The following TMEM178B variants were observed in gnomAD, a reference collection of about 807,000 sequenced individuals.
TMEM178B encodes the protein transmembrane protein 178B.
A neutral mutation model predicts 31.0 loss-of-function variants in TMEM178B; 5 were observed. That is an observed-to-expected ratio of 0.16 (90% confidence interval 0.08 to 0.34). The LOEUF (loss-of-function observed/expected upper bound fraction) is 0.34, where lower values mean the gene tolerates loss of function less well. Among genes scored for constraint, TMEM178B ranks in the 10% least tolerant of loss-of-function variants. TMEM178B has a pLI of 1.00. For synonymous variants in TMEM178B, 164 were observed against 164.0 expected, an observed-to-expected ratio of 1.00 and a Z score of 0.00; for missense variants, 275 against 400.3, an observed-to-expected ratio of 0.69 and a Z score of 2.67.
At chr7:141,255,412 A>G (rs936239876) in intron 2 of TMEM178B, among the ~76,000 whole-genome samples, 3 of 152,268 alleles carry the variant, frequency 2.0e-5, no homozygotes, top group Non-Finnish European at 4.4e-5. Flanking sequence ...AACCAGAAAC[A>G]GTGGTTTCTA....
At chr7:141,284,674 G>A (rs1229969106) in intron 2 of TMEM178B, among the ~76,000 whole-genome samples, 2 of 152,134 alleles carry the variant, frequency 1.3e-5, no homozygotes, top group East Asian at 3.9e-4. Context: ...AAGTATCTTA[G>A]GATGGAACAA....
chr7:141,126,656 T>A (rs543787120), intron 1 of TMEM178B, among the ~76,000 whole-genome samples: 25 of 152,370 alleles, frequency 1.6e-4, no homozygotes, highest in South Asian at 1.2e-3. Context: ...GGGAATGACA[T>A]GCCTGGAAGA....
chr7:141,393,383 G>A (rs552384374), intron 2 of TMEM178B, among the ~76,000 whole-genome samples: 6 of 152,108 alleles, frequency 3.9e-5, no homozygotes, highest in Admixed American at 2.0e-4. Context: ...GCAAAATAAC[G>A]ACAGAATCCA....
chr7:141,273,687 C>T (rs1457556779), intron 2 of TMEM178B, among the ~76,000 whole-genome samples: 2 of 152,080 alleles, frequency 1.3e-5, no homozygotes, highest in African/African-American at 4.8e-5. Flanking sequence ...TATTTATTCT[C>T]TCATTGCCTC....
downstream of TMEM178B, among the ~76,000 whole-genome samples, chr7:141,481,751 C>T (rs186446707): frequency 1.7e-3 from 264 of 152,238 alleles, 1 homozygote; most frequent in African/African-American, 6.0e-3. Flanking sequence ...GGGAGAGCCC[C>T]ACCCCACCTT....
intron 1 of TMEM178B, among the ~76,000 whole-genome samples, chr7:141,134,017 T>C (rs1795635186): frequency 6.6e-6 from 1 of 152,058 alleles, no homozygotes; most frequent in Non-Finnish European, 1.5e-5. Flanking sequence ...GGAGGATTGC[T>C]TAAGGGCAGG....
intron 1 of TMEM178B, among the ~76,000 whole-genome samples, chr7:141,149,496 C>T (rs558953964): frequency 3.3e-5 from 5 of 152,154 alleles, no homozygotes; most frequent in South Asian, 4.2e-4. Flanking sequence ...TGCAGTGAGC[C>T]GAGATCGTGC....
intron 3 of TMEM178B, among the ~76,000 whole-genome samples, chr7:141,448,880 G>A (rs1462695192): frequency 6.6e-6 from 1 of 152,162 alleles, no homozygotes; most frequent in African/African-American, 2.4e-5. Flanking sequence ...GTTGGGGTCC[G>A]TTGCTTCCAT....
At chr7:141,319,533 G>C (rs1223757494) in intron 2 of TMEM178B, among the ~76,000 whole-genome samples, 2 of 152,148 alleles carry the variant, frequency 1.3e-5, no homozygotes, top group African/African-American at 4.8e-5. Flanking sequence ...TTGTGCCAAA[G>C]TGTTTGTATT....
At chr7:141,226,087 A>G (rs1038902189) in intron 2 of TMEM178B, among the ~76,000 whole-genome samples, 10 of 152,152 alleles carry the variant, frequency 6.6e-5, no homozygotes, top group African/African-American at 2.4e-4. Flanking sequence ...TGACATCAGC[A>G]TCTGTGTTCC....
intron 2 of TMEM178B, among the ~76,000 whole-genome samples, chr7:141,400,953 T>A (rs978163018): frequency 3.9e-5 from 6 of 152,298 alleles, no homozygotes; most frequent in Admixed American, 3.9e-4. Flanking sequence ...GCCTCTGAGA[T>A]CTTCTCCAAA....
intron 2 of TMEM178B, among the ~76,000 whole-genome samples, chr7:141,370,302 G>A (rs1389349622): frequency 6.6e-6 from 1 of 152,196 alleles, no homozygotes; most frequent in African/African-American, 2.4e-5. Context: ...AGCAATTCAG[G>A]GAGTGAGGTG....
intron 1 of TMEM178B, among the ~76,000 whole-genome samples, chr7:141,121,484 A>T (rs546855922): frequency 4.0e-5 from 6 of 151,800 alleles, no homozygotes; most frequent in African/African-American, 1.4e-4. Flanking sequence ...AATTGATCAC[A>T]CTCCTGATTA....
At chr7:141,316,639 A>C (rs1031411205) in intron 2 of TMEM178B, among the ~76,000 whole-genome samples, 2 of 152,168 alleles carry the variant, frequency 1.3e-5, no homozygotes, top group Admixed American at 6.5e-5. Context: ...GACATTTGCA[A>C]GTATCTATTG....
intron 2 of TMEM178B, among the ~76,000 whole-genome samples, chr7:141,372,437 C>G (rs1800135602): frequency 6.6e-6 from 1 of 152,194 alleles, no homozygotes; most frequent in Non-Finnish European, 1.5e-5. Flanking sequence ...TCACCCTTCA[C>G]CTCCTTCAGG....
chr7:141,317,134 T>C (rs1799019239), intron 2 of TMEM178B, among the ~76,000 whole-genome samples: 1 of 152,192 alleles, frequency 6.6e-6, no homozygotes, highest in Non-Finnish European at 1.5e-5. Flanking sequence ...CTTGAAACTT[T>C]GCTGTATTGC....
At chr7:141,332,615 C>T (rs1799316768) in intron 2 of TMEM178B, among the ~76,000 whole-genome samples, 1 of 152,216 alleles carries the variant, frequency 6.6e-6, no homozygotes, top group Non-Finnish European at 1.5e-5. Flanking sequence ...ATTGTTTTCA[C>T]ATTATACAAA....
At chr7:141,178,435 T>C (rs1796467342) in intron 1 of TMEM178B, among the ~76,000 whole-genome samples, 1 of 152,214 alleles carries the variant, frequency 6.6e-6, no homozygotes. Context: ...AATCATTTCT[T>C]CTATAATCAT....
chr7:141,462,081 C>T (rs748434945), intron 3 of TMEM178B, among the ~76,000 whole-genome samples: 2 of 152,168 alleles, frequency 1.3e-5, no homozygotes, highest in Non-Finnish European at 2.9e-5. Flanking sequence ...GTCGTCACTA[C>T]AACACTACCT....
Sources: gnomAD v4.1 joint callset for allele counts (sites outside exome capture counted in the v4.1 genomes callset) on GRCh38, gnomAD v4.1.1 for gene constraint, MANE v1.5 for transcripts, NCBI Gene and HGNC (gene_info 2026-07-23, HGNC 2026-07-21) for gene names.